MSRA: variants seen among roughly 807,000 people sequenced by gnomAD.
MSRA encodes the protein mitochondrial peptide methionine sulfoxide reductase.
MSRA carries 54 observed loss-of-function variants against 31.3 expected under a neutral mutation model. The observed-to-expected ratio is 1.73, with a 90% CI of 1.39 to 2.17. The LOEUF (loss-of-function observed/expected upper bound fraction) is 2.17, where lower values mean the gene tolerates loss of function less well. Among genes scored for constraint, MSRA ranks in the 30% most tolerant of loss-of-function variants. MSRA has a pLI of 0.00. For missense variants in MSRA, 507 were observed against 300.9 expected, an observed-to-expected ratio of 1.69 and a Z score of -5.07; for synonymous variants, 169 against 116.5, an observed-to-expected ratio of 1.45 and a Z score of -2.90.
At chr8:10,326,295 G>A (rs1802358448) in intron 5 of MSRA, among the ~76,000 whole-genome samples, 1 of 152,184 alleles carries the variant, frequency 6.6e-6, no homozygotes, top group Non-Finnish European at 1.5e-5. Flanking sequence ...TTTTATCACA[G>A]GGACCAATTG....
intron 1 of MSRA, among the ~76,000 whole-genome samples, chr8:10,115,532 C>G (rs933816156): frequency 6.6e-6 from 1 of 152,182 alleles, no homozygotes. Flanking sequence ...GTGTCTAAGA[C>G]CCAGATTTGT....
At chr8:10,263,473 G>A (rs1798585008) in intron 3 of MSRA, among the ~76,000 whole-genome samples, 1 of 152,238 alleles carries the variant, frequency 6.6e-6, no homozygotes, top group Non-Finnish European at 1.5e-5. Context: ...AATGCCATAT[G>A]CATTTTTCTG....
chr8:10,324,372 G>T (rs1432707003), intron 5 of MSRA, among the ~76,000 whole-genome samples: 5 of 152,222 alleles, frequency 3.3e-5, no homozygotes, highest in South Asian at 2.1e-4. Context: ...GAGCATGTCA[G>T]TCTGGATCCC....
intron 1 of MSRA, among the ~76,000 whole-genome samples, chr8:10,152,392 G>T (rs1803768668): frequency 6.6e-6 from 1 of 152,268 alleles, no homozygotes; most frequent in Non-Finnish European, 1.5e-5. Context: ...GTATTTTTAA[G>T]ACCGAGAGCC....
chr8:10,239,535 G>A (rs572883348), intron 2 of MSRA, among the ~76,000 whole-genome samples: 10 of 152,308 alleles, frequency 6.6e-5, no homozygotes, highest in African/African-American at 2.2e-4. Context: ...CAAGGGTGTG[G>A]CACAACAGAG....
intron 3 of MSRA, among the ~76,000 whole-genome samples, chr8:10,288,783 TTTGTAA>T (rs1226357252): frequency 6.6e-6 from 1 of 152,230 alleles, no homozygotes; most frequent in African/African-American, 2.4e-5. Flanking sequence ...ATGTGAGCTA[TTTGTAA>T]ATAATGTACT....
chr8:10,112,951 A>G lies in MSRA; in HGVS notation c.142+58293A>G, dbSNP rs368318915. 1.7e-4 allele frequency among the ~76,000 whole-genome samples: 26 copies of G among 152,118 alleles called. No homozygotes were observed. The South Asian group carries it at 5.2e-3, about 30-fold the overall frequency. ...TTTTCAGGAGAGGTCATTCCTGACC[A>G]CCCCGTCTAACATGGCTCCTTACCC... On this transcript the variant is annotated intron_variant, in intron 1 of 5. Transcript: ENST00000317173.
chr8:10,327,722 A>G (rs962374843), intron 5 of MSRA, among the ~76,000 whole-genome samples: 8 of 152,188 alleles, frequency 5.3e-5, no homozygotes, highest in Non-Finnish European at 1.2e-4. Flanking sequence ...TCATAAGGTC[A>G]GGAGATCGAG....
At chr8:10,210,514 C>T (rs973994537) in intron 2 of MSRA, among the ~76,000 whole-genome samples, 1 of 152,106 alleles carries the variant, frequency 6.6e-6, no homozygotes, top group African/African-American at 2.4e-5. Context: ...TGAGAAGTAG[C>T]CTTTGCTGGG....
In MSRA at chr8:10,092,226, T is replaced by G. The variant is rs532744975; in HGVS notation, c.142+37568T>G. Among the ~76,000 whole-genome samples, 230 of 152,296 alleles carry G rather than the reference T, an allele frequency of 1.5e-3. 1 individual carries two copies. The highest frequency in any genetic ancestry group is 5.2e-3 in the African/African-American group (218 of 41,572). ...CATATATTTGTGATTTTTCCTTTCT[T>G]TTTTTGGTCTGTATTGAGTTCTACT... On this transcript the variant is annotated intron_variant, in intron 1 of 5. Coordinates refer to ENST00000317173, the MANE Select transcript of MSRA (RefSeq NM_012331.5).
At chr8:10,349,230 ACT>A (rs1340203323) in intron 5 of MSRA, among the ~76,000 whole-genome samples, 1 of 152,124 alleles carries the variant, frequency 6.6e-6, no homozygotes, top group Non-Finnish European at 1.5e-5. Context: ...ATCAACATTG[ACT>A]CTGCTGGAGG....
chr8:10,078,369 C>T (rs1291402890), intron 1 of MSRA, among the ~76,000 whole-genome samples: 4 of 152,330 alleles, frequency 2.6e-5, no homozygotes, highest in South Asian at 4.1e-4. Context: ...TGTTCACATT[C>T]ATGCGTGGAG....
At chr8:10,182,680 G>C (rs1563191004) in intron 1 of MSRA, among the ~76,000 whole-genome samples, 1 of 152,182 alleles carries the variant, frequency 6.6e-6, no homozygotes, top group African/African-American at 2.4e-5. Flanking sequence ...GGGAGATTCA[G>C]GTTTCCAAGA....
intron 1 of MSRA, among the ~76,000 whole-genome samples, chr8:10,100,859 G>A (rs1799488627): frequency 6.6e-6 from 1 of 152,152 alleles, no homozygotes; most frequent in South Asian, 2.1e-4. Flanking sequence ...TACACAATTA[G>A]AATACCCCTT....
In MSRA at chr8:10,428,327, G is replaced by A; in HGVS notation, c.*15G>A. On this transcript the variant is annotated 3_prime_UTR_variant, in exon 6 of 6. Transcript: ENST00000317173. ...TTAAAAAATAATTTCTCCCCACATG[G>A]TGGGCCTTTGAGGTTCCAGTAAAAA... 6.2e-7 allele frequency: 1 copy of A among 1,611,196 alleles called. No homozygotes were observed. Among genetic ancestry groups the A allele is most frequent in the Non-Finnish European group, 8.5e-7 (1 of 1,179,378 alleles).
chr8:10,267,311 C>G (rs1326604708), intron 3 of MSRA, among the ~76,000 whole-genome samples: 3 of 152,134 alleles, frequency 2.0e-5, no homozygotes, highest in Non-Finnish European at 4.4e-5. Flanking sequence ...TGTTTGGGTT[C>G]TTATTGTGCA....
At chr8:10,183,885 G>A (rs1034697887) in intron 1 of MSRA, among the ~76,000 whole-genome samples, 2 of 151,370 alleles carry the variant, frequency 1.3e-5, no homozygotes, top group African/African-American at 4.9e-5. Context: ...TGTTGGTATA[G>A]GTGGTGTTGG....
intron 1 of MSRA, chr8:10,095,630 T>A: frequency 1.0e-6 from 1 of 990,684 alleles, no homozygotes; most frequent in Non-Finnish European, 1.2e-6. Context: ...TTGGCACAGC[T>A]CAGTCAAATC....
intron 5 of MSRA, among the ~76,000 whole-genome samples, chr8:10,420,474 C>T: frequency 6.6e-6 from 1 of 152,140 alleles, no homozygotes; most frequent in Non-Finnish European, 1.5e-5. Flanking sequence ...ACAAATACGT[C>T]TTATTTCTTA....
Sources: gnomAD v4.1 joint callset for allele counts (sites outside exome capture counted in the v4.1 genomes callset) on GRCh38, gnomAD v4.1.1 for gene constraint, MANE v1.5 for transcripts, NCBI Gene and HGNC (gene_info 2026-07-23, HGNC 2026-07-21) for gene names.